Variants in INPPL1 observed in about 807,000 individuals in gnomAD.
INPPL1 encodes inositol polyphosphate phosphatase like 1.
A neutral mutation model predicts 139.3 loss-of-function variants in INPPL1; 91 were observed. The ratio of observed to expected loss-of-function variants is 0.65; its 90% CI spans 0.55 to 0.78. The LOEUF (loss-of-function observed/expected upper bound fraction) is 0.78. Ranked by LOEUF, INPPL1 falls within the 30% of genes least tolerant of loss-of-function variation. The probability of loss-of-function intolerance (pLI) is 0.00; values close to 1 mark genes in which losing one functional copy is unlikely to be tolerated. For synonymous variants in INPPL1, 719 were observed against 686.6 expected (o/e 1.05, Z -0.74); for missense variants, 1,411 against 1,665.6 (o/e 0.85, Z 2.66).
rs375651667 is a variant in INPPL1 at position 72,229,971 on chromosome 11, G to A, written c.891G>A (p.Pro297=). 7.4e-6 allele frequency: 12 copies of A among 1,614,030 alleles called. No individual in the cohort carries two copies. The highest frequency in any genetic ancestry group is 2.2e-5 in the East Asian group (1 of 44,876). ...QDMSSTAPPA[P]QPSTRKAKTI... ...TGAGCTCCACAGCACCCCCAGCTCC[G>A]CAGCCATCCACACGTAAGGCCAAGA... Residue 297 remains proline, a synonymous_variant, in exon 8 of 28, where the codon CCG becomes CCA. Transcript: ENST00000298229.
rs1011762027 is a variant in INPPL1, at chr11:72,230,444, G to A, written c.1173G>A (p.Lys391=). 6.2e-6 allele frequency: 10 copies of A among 1,613,870 alleles called. No homozygotes were observed. The highest frequency in any genetic ancestry group is 1.3e-5 in the African/African-American group (1 of 74,938). ...AGGAGAAGGACCGGACTCAGCGCAA[G>A]GACTTCATCTTTGTCAGTGCCCGGG... ...FEKEKDRTQR[K]DFIFVSARKR... The change falls in exon 10 of 28, where the codon AAG becomes AAA. Residue 391 remains lysine, a synonymous_variant. Coordinates refer to ENST00000298229, the MANE Select transcript of INPPL1 (RefSeq NM_001567.4).
intron 10 of INPPL1, 43 bp downstream of exon 10, chr11:72,230,511 C>T: frequency 6.4e-7 from 1 of 1,565,312 alleles, no homozygotes; most frequent in Non-Finnish European, 8.8e-7. Flanking sequence ...CTGCGGGGGT[C>T]CCCCACATGG....
At chr11:72,230,676 ATGCAG>A (rs1333297445) in intron 10 of INPPL1, 115 bp from the exon 11 acceptor site, 1 of 871,086 alleles carries the variant, frequency 1.1e-6, no homozygotes, top group Non-Finnish European at 1.8e-6. Context: ...AGCAGTGGGT[ATGCAG>A]TGGAGAACCA....
Position 72,228,083 on chromosome 11 carries a change from C to G in INPPL1, c.183-107C>G, listed in dbSNP as rs1046346318. The G allele has an allele frequency of 1.7e-6, 2 of 1,200,668 alleles. No individual in the cohort carries two copies. The highest frequency in any genetic ancestry group is 1.5e-5 in the African/African-American group (1 of 67,054). The allele number at this position is 1,200,668 out of a possible 1,614,324, so 74.4% of individuals were successfully genotyped here. On this transcript the variant is annotated intron_variant, in intron 1 of 27. Transcript: ENST00000298229. The surrounding 1 kb of genome is among the most constrained non-coding windows in gnomAD (Gnocchi z 5.0). ...CCTGGGCAGGTGGTTTTAGGGAAAC[C>G]AAGCTGAGGGGGTTGGGGTGCTGAG...
Position 72,237,117 on chromosome 11 carries a change from C to T in INPPL1, c.2880-7C>T. On this transcript the variant is annotated splice_region_variant and splice_polypyrimidine_tract_variant and intron_variant, in intron 25 of 27. Transcript: ENST00000298229. ...TCCTGGCTTAGTCGTTCTGCTTCCA[C>T]ACCCAGGTTGAAGCCAGAGGGAGCT... is the stretch of plus-strand genomic sequence containing the variant. 1.9e-6 allele frequency: 3 copies of T among 1,569,052 alleles called. No individual in the cohort carries two copies. Among genetic ancestry groups the T allele is most frequent in the South Asian group, 1.2e-5 (1 of 86,080 alleles).
At position 72,235,598 on chromosome 11, in the gene INPPL1, G is replaced by C; in HGVS notation, c.2660-77G>C. ...CCTGCCCCAAGGCATAGCTGGGAAA[G>C]GGCTGGCAGGCCCACTGGGTGTCTG... On this transcript the variant is annotated intron_variant, in intron 23 of 27. Coordinates refer to ENST00000298229, the MANE Select transcript of INPPL1 (RefSeq NM_001567.4). The surrounding 1 kb of genome is among the most constrained non-coding windows in gnomAD (Gnocchi z 4.9). 6.3e-7 allele frequency: 1 copy of C among 1,587,878 alleles called. No individual in the cohort carries two copies. Among genetic ancestry groups the C allele is most frequent in the Non-Finnish European group, 8.6e-7 (1 of 1,160,892 alleles).
chr11:72,238,432 G>T lies in INPPL1; in HGVS notation c.*79G>T, dbSNP rs943895077. The T allele has an allele frequency of 4.6e-5, 57 of 1,245,384 alleles. 2 individuals carry two copies. The highest frequency in any genetic ancestry group is 5.6e-5 in the Non-Finnish European group (51 of 908,534). The allele number at this position is 1,245,384 out of a possible 1,614,324, so 77.1% of individuals were successfully genotyped here. On this transcript the variant is annotated 3_prime_UTR_variant, in exon 28 of 28. Transcript: ENST00000298229. ...CCAGCTATGGCCCCAGGGTTGAAAA[G>T]TTATGAGGGTCAGGGCAGTATCTCT...
At position 72,234,503 on chromosome 11, in the gene INPPL1, G is replaced by A. The variant is rs776547070; in HGVS notation, c.2327-24G>A. 6.2e-7 allele frequency: 1 copy of A among 1,600,166 alleles called. No individual in the cohort carries two copies. Among genetic ancestry groups the A allele is most frequent in the Admixed American group, 1.7e-5 (1 of 59,970 alleles). ...GGAAGCTGAGAGGTGGTGCTCAGTT[G>A]GGTGTCTCCCACCCCCACCCCAGAA... is the stretch of plus-strand genomic sequence containing the variant. On this transcript the variant is annotated intron_variant, in intron 20 of 27. Transcript: ENST00000298229. This position sits in a 1 kb window ranked among gnomAD's most constrained non-coding sequence, Gnocchi z 4.2.
In INPPL1 at chr11:72,234,387, C is replaced by A. The variant is rs1948922045; in HGVS notation, c.2319C>A (p.Cys773Ter). 6.2e-7 allele frequency: 1 copy of A among 1,613,692 alleles called. No individual in the cohort carries two copies. Among genetic ancestry groups the A allele is most frequent in the African/African-American group, 1.3e-5 (1 of 74,876 alleles). The change falls in exon 20 of 28, where the codon TGC (cysteine) becomes TGA (stop). Residue 773 changes from cysteine (C) to a stop codon, truncating the protein, a stop_gained. Transcript: ENST00000298229. LOFTEE classifies it high-confidence loss of function. The surrounding 1 kb of genome is among the most constrained non-coding windows in gnomAD (Gnocchi z 4.2). ...TKFFIEFYST[C>*]LEEYKKSFEN... is the part of the protein sequence containing the mutation. ...TCTTCATCGAGTTCTACTCTACCTG[C>A]CTGGAGGGTCAGAGGCGTGGCAGGG...
chr11:72,234,522 C>T lies in INPPL1; in HGVS notation c.2327-5C>T. 2 of 1,609,240 alleles carry T rather than the reference C, an allele frequency of 1.2e-6. No homozygotes were observed. The highest frequency in any genetic ancestry group is 1.7e-4 in the Middle Eastern group (1 of 6,052). On this transcript the variant is annotated splice_region_variant and splice_polypyrimidine_tract_variant and intron_variant, in intron 20 of 27. Transcript: ENST00000298229. The surrounding 1 kb of genome is among the most constrained non-coding windows in gnomAD (Gnocchi z 4.2). ...TCAGTTGGGTGTCTCCCACCCCCAC[C>T]CCAGAATACAAGAAGAGCTTTGAGA...
At chr11:72,231,414 G>A in intron 12 of INPPL1, 84 bp from the exon 13 acceptor site, 2 of 1,159,572 alleles carry the variant, frequency 1.7e-6, no homozygotes, top group East Asian at 4.7e-5. Context: ...CCCTGTGATG[G>A]ACACAAAAGT....
chr11:72,227,972 G>A (rs538565811), intron 1 of INPPL1: 107 of 378,782 alleles, frequency 2.8e-4, no homozygotes, highest in African/African-American at 2.2e-3. Flanking sequence ...GTCTGGTGGG[G>A]AGACGGGGGT....
Position 72,231,571 on chromosome 11 carries a change from A to G in INPPL1, c.1571A>G (p.His524Arg). ...CCAGAGCACGAGAACCGTATCAGCC[A>G]TGTCAGTACGTCCAGTGTGAAGACT... is the stretch of plus-strand genomic sequence containing the variant. ...VKPEHENRISHVSTSSVKTGI... is the reference protein window; with the variant it reads ...VKPEHENRISRVSTSSVKTGI... The change falls in exon 13 of 28, where the codon CAT (histidine) becomes CGT (arginine). Residue 524 changes from histidine to arginine, a missense_variant. This residue lies in a region of INPPL1 where 363 missense variants were observed against 446.2 expected (regional missense o/e 0.81). Transcript: ENST00000298229. The G allele has an allele frequency of 1.2e-6, 2 of 1,613,920 alleles. No individual in the cohort carries two copies. The highest frequency in any genetic ancestry group is 1.7e-6 in the Non-Finnish European group (2 of 1,180,004).
In INPPL1 at chr11:72,238,347, C is replaced by G; in HGVS notation, c.3771C>G (p.Ser1257Arg). The G allele has an allele frequency of 6.5e-7, 1 of 1,547,096 alleles. No individual in the cohort carries two copies. Among genetic ancestry groups the G allele is most frequent in the East Asian group, 2.3e-5 (1 of 43,510 alleles). The change falls in exon 28 of 28, where the codon AGC becomes AGG. Residue 1257 changes from serine (S) to arginine (R), a missense_variant. By Grantham distance (110) the Ser-to-Arg change is moderately radical. This residue lies in a region of INPPL1 where 438 missense variants were observed against 425.7 expected (regional missense o/e 1.03). Transcript: ENST00000298229. ...TCCTTCTGGACACCCTGCAGCTCAG[C>G]AAGTGATAGCGGAGGCACCACGAAG... ...KRLLLDTLQL[S>R]K
At position 72,238,095 on chromosome 11, in the gene INPPL1, T is replaced by G. The variant is rs748326248; in HGVS notation, c.3606T>G (p.Ser1202Arg). The change falls in exon 27 of 28, where the codon AGT (serine) becomes AGG (arginine). Residue 1202 changes from serine (S) to arginine (R), a missense_variant. Ser to Arg is a moderately radical substitution (Grantham distance 110, BLOSUM62 -1). This residue lies in a region of INPPL1 where 438 missense variants were observed against 425.7 expected (regional missense o/e 1.03). Transcript: ENST00000298229. Reference sequence around the variant, plus strand: ...GCGGGCTGGGCGAGGCAGGCATGAGTGCCTGGCTGCGGGCCATCGGCTTGG... The same window carrying G: ...GCGGGCTGGGCGAGGCAGGCATGAGGGCCTGGCTGCGGGCCATCGGCTTGG... ...RASGLGEAGM[S>R]AWLRAIGLER... 2.5e-6 allele frequency: 4 copies of G among 1,581,416 alleles called. No individual in the cohort carries two copies. The South Asian group carries it at 4.7e-5, about 18-fold the overall frequency.
Position 72,228,935 on chromosome 11 carries a change from C to T in INPPL1, c.518+88C>T. On this transcript the variant is annotated intron_variant, in intron 4 of 27. Transcript: ENST00000298229. The surrounding 1 kb of genome is among the most constrained non-coding windows in gnomAD (Gnocchi z 5.0). ...CCAAAGGTGGGGAGGCCTTCTAAGA[C>T]CCCACCAGGGACCCCCACCCCACCT... 1 of 1,521,968 alleles carries T rather than the reference C, an allele frequency of 6.6e-7. No homozygotes were observed. Among genetic ancestry groups the T allele is most frequent in the Non-Finnish European group, 8.8e-7 (1 of 1,134,030 alleles). The allele number at this position is 1,521,968 out of a possible 1,614,324, so 94.3% of individuals were successfully genotyped here. A position where few individuals can be genotyped will look rare whatever the true frequency, so the allele number is the denominator to read the frequency against.
intron 18 of INPPL1, 66 bp downstream of exon 18, chr11:72,233,588 C>A (rs578170130): frequency 6.2e-7 from 1 of 1,606,442 alleles, no homozygotes; most frequent in Non-Finnish European, 8.5e-7. Flanking sequence ...CTGCCCTAAC[C>A]TTGGGAGGTG....
At position 72,228,854 on chromosome 11, in the gene INPPL1, C is replaced by T. The variant is rs1032175507; in HGVS notation, c.518+7C>T. 1 of 1,583,072 alleles carries T rather than the reference C, an allele frequency of 6.3e-7. No individual in the cohort carries two copies. Among genetic ancestry groups the T allele is most frequent in the African/African-American group, 1.4e-5 (1 of 73,794 alleles). Reference sequence around the variant, plus strand: ...CAGCTCCAGCTGCTGAGAGGTGAGACCCCCATCCCATCCACTGAACAGGAG... The same window carrying T: ...CAGCTCCAGCTGCTGAGAGGTGAGATCCCCATCCCATCCACTGAACAGGAG... On this transcript the variant is annotated splice_region_variant and intron_variant, in intron 4 of 27. Coordinates refer to ENST00000298229, the MANE Select transcript of INPPL1 (RefSeq NM_001567.4). This position sits in a 1 kb window ranked among gnomAD's most constrained non-coding sequence, Gnocchi z 5.0.
chr11:72,230,041 C>G, intron 8 of INPPL1, 22 bp downstream of exon 8: 3 of 1,614,106 alleles, frequency 1.9e-6, no homozygotes, highest in Non-Finnish European at 2.5e-6. Flanking sequence ...TGGGGCCTCA[C>G]AGGGCCAAGG....
Sources: allele counts gnomAD v4.1 joint callset, GRCh38; gene constraint gnomAD v4.1.1; regional missense constraint gnomAD v4.1.1; non-coding constraint Gnocchi (gnomAD v3.1); transcripts MANE v1.5; gene names NCBI Gene and HGNC (gene_info 2026-07-23, HGNC 2026-07-21).